RBFOX1: variants seen among roughly 807,000 people sequenced by gnomAD.
RBFOX1 encodes the protein RNA binding fox-1 homolog 1, also known as RNA binding protein fox-1 homolog 1.
Under a neutral mutation model 57.7 loss-of-function variants are expected in RBFOX1, and 8 were observed. That is an observed-to-expected ratio of 0.14 (90% CI 0.08 to 0.25). The LOEUF (loss-of-function observed/expected upper bound fraction) is 0.25. Ranked by LOEUF, RBFOX1 falls within the 10% of genes least tolerant of loss-of-function variation. The pLI is 1.00. For missense variants in RBFOX1, 611 were observed against 548.5 expected, an observed-to-expected ratio of 1.11 and a Z score of -1.14; for synonymous variants, 326 against 222.4, an observed-to-expected ratio of 1.47 and a Z score of -4.15.
chr16:6,966,702 C>G (rs970808576), intron 3 of RBFOX1, among the ~76,000 whole-genome samples: 6 of 152,214 alleles, frequency 3.9e-5, no homozygotes, highest in East Asian at 1.9e-4. Context: ...CGAAATTGAT[C>G]TAAATTACAC....
intron 14 of RBFOX1, among the ~76,000 whole-genome samples, chr16:7,697,306 C>T (rs570288255): frequency 4.6e-5 from 7 of 152,024 alleles, no homozygotes; most frequent in Non-Finnish European, 1.0e-4. Flanking sequence ...TGTACAAGCT[C>T]GAGTCTGTTA....
chr16:7,186,261 TATAAAC>T (rs1485135321), intron 4 of RBFOX1, among the ~76,000 whole-genome samples: 10 of 71,688 alleles, frequency 1.4e-4, no homozygotes, highest in Admixed American at 2.5e-4. Context: ...AACATATTTA[TATAAAC>T]ATAAACATAA....
At chr16:6,136,835 C>T (rs898314344) in intron 1 of RBFOX1, among the ~76,000 whole-genome samples, 6 of 152,096 alleles carry the variant, frequency 3.9e-5, no homozygotes, top group African/African-American at 1.4e-4. Flanking sequence ...GCTGTGAAAC[C>T]CTTTGTATAA....
intron 2 of RBFOX1, among the ~76,000 whole-genome samples, chr16:6,345,526 G>A (rs1373611134): frequency 1.3e-5 from 2 of 152,046 alleles, no homozygotes; most frequent in African/African-American, 2.4e-5. Context: ...TCCTCTATCC[G>A]ACCTGGTATG....
intron 4 of RBFOX1, among the ~76,000 whole-genome samples, chr16:7,118,349 T>C (rs911449959): frequency 3.1e-5 from 4 of 129,878 alleles, no homozygotes; most frequent in African/African-American, 6.6e-5. Context: ...GTGATAAGCA[T>C]TTTTTTCATG....
At chr16:5,916,995 C>T (rs77955231) in intron 4 of RBFOX1, among the ~76,000 whole-genome samples, 2,784 of 152,174 alleles carry the variant, frequency 0.018, 74 homozygotes, top group African/African-American at 0.064. Context: ...ATCCCATGTG[C>T]CCCTGGGATG....
Position 6,908,963 on chromosome 16 carries a change from C to T in RBFOX1, c.-15-143094C>T, listed in dbSNP as rs941984534. 1.3e-4 allele frequency among the ~76,000 whole-genome samples: 20 copies of T among 152,186 alleles called. 1 individual carries two copies. The highest frequency in any genetic ancestry group is 2.5e-4 in the Non-Finnish European group (17 of 68,026). ...AATCTGTGCTTCCCCCCAACACGCT[C>T]TCTCTGGGGGCTCCGTTCTTCTGCT... On this transcript the variant is annotated intron_variant, in intron 3 of 15. Coordinates refer to ENST00000550418, the MANE Select transcript of RBFOX1 (RefSeq NM_018723.4).
At chr16:7,571,870 T>C (rs747704272) in intron 5 of RBFOX1, among the ~76,000 whole-genome samples, 1 of 152,196 alleles carries the variant, frequency 6.6e-6, no homozygotes, top group Admixed American at 6.5e-5. Context: ...GGCTCAGGCC[T>C]GTAATCCCAG....
At chr16:6,261,987 C>A (rs915597749) in intron 1 of RBFOX1, among the ~76,000 whole-genome samples, 2 of 151,838 alleles carry the variant, frequency 1.3e-5, no homozygotes, top group Non-Finnish European at 2.9e-5. Flanking sequence ...CAAGCTCACA[C>A]CATCGTACTC....
chr16:6,193,893 C>T (rs1426640772), intron 1 of RBFOX1, among the ~76,000 whole-genome samples: 1 of 152,118 alleles, frequency 6.6e-6, no homozygotes, highest in African/African-American at 2.4e-5. Flanking sequence ...TGCATTGCCT[C>T]ATCTTCCTGT....
At chr16:6,674,895 G>T (rs765480536) in intron 3 of RBFOX1, among the ~76,000 whole-genome samples, 2 of 151,888 alleles carry the variant, frequency 1.3e-5, no homozygotes, top group Non-Finnish European at 2.9e-5. Context: ...TTGTTTGTTT[G>T]GTGGTTTTTT....
At chr16:7,524,381 T>C (rs9937038) in intron 5 of RBFOX1, among the ~76,000 whole-genome samples, 25,709 of 152,148 alleles carry the variant, frequency 0.17, 2,721 homozygotes, top group East Asian at 0.36. Context: ...CCTTTTTTTC[T>C]GCTGAATTTC....
At chr16:6,321,196 C>T (rs1267200402) in intron 2 of RBFOX1, among the ~76,000 whole-genome samples, 1 of 152,082 alleles carries the variant, frequency 6.6e-6, no homozygotes, top group African/African-American at 2.4e-5. Context: ...GTAATCAGGT[C>T]AGGGTAGTTA....
At chr16:6,645,204 C>T (rs529159121) in intron 2 of RBFOX1, among the ~76,000 whole-genome samples, 1 of 152,142 alleles carries the variant, frequency 6.6e-6, no homozygotes, top group African/African-American at 2.4e-5. Context: ...TAGAACCCAC[C>T]CAGATAATAC....
intron 1 of RBFOX1, among the ~76,000 whole-genome samples, chr16:5,283,540 C>T (rs1295680998): frequency 6.6e-6 from 1 of 152,162 alleles, no homozygotes; most frequent in Non-Finnish European, 1.5e-5. Flanking sequence ...CCTTTATTCT[C>T]CCAAGGCCAT....
In RBFOX1 at chr16:5,900,084, C is replaced by G. The variant is rs191975417; in HGVS notation, c.351+32749C>G. 2.7e-3 allele frequency among the ~76,000 whole-genome samples: 417 copies of G among 152,244 alleles called. 2 individuals carry two copies. The highest frequency in any genetic ancestry group is 9.7e-3 in the African/African-American group (402 of 41,544). The stretch of plus-strand genomic sequence containing the variant: ...CAGAGCAAGACTCTGTCTCAAAAAC[C>G]AAACAAAACAAAACCAGGAGTTTCT... On this transcript the variant is annotated intron_variant, in intron 4 of 19. Coordinates refer to the RBFOX1 transcript ENST00000641259.
At chr16:5,737,603 C>A (rs77643347) in intron 3 of RBFOX1, among the ~76,000 whole-genome samples, 2 of 149,438 alleles carry the variant, frequency 1.3e-5, no homozygotes. Flanking sequence ...ACTCTTTATC[C>A]TGCTTTTTGT....
At chr16:6,806,469 A>G (rs1169022909) in intron 3 of RBFOX1, among the ~76,000 whole-genome samples, 4 of 152,142 alleles carry the variant, frequency 2.6e-5, no homozygotes, top group African/African-American at 9.7e-5. Context: ...AAATAATTTC[A>G]GAAAGTATCT....
chr16:7,374,765 C>T (rs982496558), intron 4 of RBFOX1, among the ~76,000 whole-genome samples: 1 of 152,234 alleles, frequency 6.6e-6, no homozygotes, highest in Non-Finnish European at 1.5e-5. Flanking sequence ...TTTGTTTTCA[C>T]AGCATCAAGA....
Sources: gnomAD v4.1 joint callset for allele counts (sites outside exome capture counted in the v4.1 genomes callset) on GRCh38, gnomAD v4.1.1 for gene constraint, MANE v1.5 for transcripts, NCBI Gene and HGNC (gene_info 2026-07-23, HGNC 2026-07-21) for gene names.